The following MAP3K20 variants were observed in gnomAD, a reference collection of about 807,000 sequenced individuals.
MAP3K20 encodes mitogen-activated protein kinase kinase kinase 20, also known as HCCS-4.
Under a neutral mutation model 85.7 loss-of-function variants are expected in MAP3K20, and 40 were observed. The observed-to-expected ratio is 0.47, with a 90% confidence interval of 0.36 to 0.61. The LOEUF is 0.61. MAP3K20 is among the 20% of genes least tolerant of loss of function. The probability of loss-of-function intolerance (pLI) is 0.00; values close to 1 mark genes in which losing one functional copy is unlikely to be tolerated. For synonymous variants in MAP3K20, 325 were observed against 327.7 expected, an observed-to-expected ratio of 0.99 and a Z score of 0.09; for missense variants, 817 against 961.7, an observed-to-expected ratio of 0.85 and a Z score of 1.99.
rs780696051 is a variant in MAP3K20 at position 173,263,850 on chromosome 2, T to TTGGG, written c.1658_1659insGGGT (p.Phe554GlyfsTer18). The TTGGG allele has an allele frequency of 1.9e-6, 3 of 1,613,162 alleles. No individual in the cohort carries two copies. In the African/African-American group the frequency reaches 4.0e-5, roughly 22 times the overall value. ...AGCAGTCCAACTTGCCATTCAGACA[T>TTGGG]TATTCACCAATTCAGATGGCAACCC... On this transcript the variant is annotated frameshift_variant, in exon 19 of 20. Coordinates refer to ENST00000375213, the MANE Select transcript of MAP3K20 (RefSeq NM_016653.3). LOFTEE classifies it low-confidence loss of function (END_TRUNC).
At chr2:173,158,296 A>C (rs1157032186) in intron 2 of MAP3K20, among the ~76,000 whole-genome samples, 1 of 152,196 alleles carries the variant, frequency 6.6e-6, no homozygotes, top group Non-Finnish European at 1.5e-5. Flanking sequence ...TTAATAAAAA[A>C]TGTTTAGAAG....
chr2:173,108,134 TTTTTTTTTTTA>T (rs1291893909), intron 2 of MAP3K20, among the ~76,000 whole-genome samples: 1 of 120,624 alleles, frequency 8.3e-6, no homozygotes, highest in African/African-American at 3.2e-5. Context: ...GGGATTTTTA[TTTTTTTTTTTA>T]TTTTTTTTTG....
chr2:173,196,913 T>A (rs1690861456), intron 7 of MAP3K20, among the ~76,000 whole-genome samples: 1 of 151,930 alleles, frequency 6.6e-6, no homozygotes, highest in Non-Finnish European at 1.5e-5. Flanking sequence ...AGCAGGTTCA[T>A]AGTCTGGCTC....
chr2:173,181,203 A>G (rs1203088699), intron 3 of MAP3K20, among the ~76,000 whole-genome samples: 17 of 152,182 alleles, frequency 1.1e-4, no homozygotes, highest in Admixed American at 1.1e-3. Flanking sequence ...TATACCCGCT[A>G]CAATGGCCAT....
At chr2:173,209,537 G>A (rs1046607849) in intron 9 of MAP3K20, 192 bp from the exon 10 acceptor site, 12 of 454,118 alleles carry the variant, frequency 2.6e-5, no homozygotes, top group African/African-American at 7.9e-5. Context: ...ATAGTTCACC[G>A]AAAATAAAGA....
chr2:173,134,522 C>G (rs1688743954), intron 2 of MAP3K20, among the ~76,000 whole-genome samples: 1 of 142,988 alleles, frequency 7.0e-6, no homozygotes, highest in South Asian at 2.2e-4. Flanking sequence ...CCGTTTTGTC[C>G]TCCTCCCAAA....
intron 2 of MAP3K20, among the ~76,000 whole-genome samples, chr2:173,135,695 T>C (rs956203267): frequency 6.6e-5 from 10 of 152,212 alleles, no homozygotes; most frequent in South Asian, 2.1e-4. Context: ...TCTGCACTTA[T>C]AAAATGGGGA....
Position 173,258,796 on chromosome 2 carries a change from A to C in MAP3K20, c.1457A>C (p.Glu486Ala). Residue 486 changes from glutamate (E) to alanine (A), a missense_variant, in exon 17 of 20, where the codon GAG becomes GCG. This residue lies in a region of MAP3K20 where 454 missense variants were observed against 476.9 expected (regional missense o/e 0.95). Coordinates refer to ENST00000375213, the MANE Select transcript of MAP3K20 (RefSeq NM_016653.3). ...VTFNTNLPDA[E>A]ILKMTKPPFV... ...TTCAACACTAACCTACCTGATGCGG[A>C]GATTTTAAAGATGACAAAGGTAGGG... The C allele has an allele frequency of 7.5e-6, 12 of 1,606,460 alleles. No individual in the cohort carries two copies. The highest frequency in any genetic ancestry group is 9.4e-6 in the Non-Finnish European group (11 of 1,173,794).
chr2:173,171,191 C>G (rs1035573306), intron 3 of MAP3K20, among the ~76,000 whole-genome samples: 8 of 152,290 alleles, frequency 5.3e-5, no homozygotes, highest in African/African-American at 1.9e-4. Context: ...CATTTTAAGT[C>G]AGATTTCTGA....
At chr2:173,252,909 C>A (rs1685072044) in intron 16 of MAP3K20, among the ~76,000 whole-genome samples, 3 of 152,218 alleles carry the variant, frequency 2.0e-5, no homozygotes, top group African/African-American at 7.2e-5. Context: ...CAGGGAAGGT[C>A]AGAATTGGTG....
At position 173,261,188 on chromosome 2, in the gene MAP3K20, T is replaced by C. The variant is rs1263052533; in HGVS notation, c.1551+51T>C. 5 of 1,566,552 alleles carry C rather than the reference T, an allele frequency of 3.2e-6. No homozygotes were observed. The Admixed American group carries it at 5.1e-5, about 16-fold the overall frequency. On this transcript the variant is annotated intron_variant, in intron 18 of 19. Coordinates refer to ENST00000375213, the MANE Select transcript of MAP3K20 (RefSeq NM_016653.3). ...TGGCCTCACCATCAGTTAATGAATATAAATTTATCTGTTATCTCAGAGCAT... is the reference window on the plus strand; with the variant it reads ...TGGCCTCACCATCAGTTAATGAATACAAATTTATCTGTTATCTCAGAGCAT...
In MAP3K20 at chr2:173,174,810, A is replaced by G. The variant is rs374143767; in HGVS notation, c.247+4918A>G. 4.3e-4 allele frequency among the ~76,000 whole-genome samples: 65 copies of G among 152,316 alleles called. 1 individual carries two copies. Among genetic ancestry groups the G allele is most frequent in the African/African-American group, 1.1e-3 (44 of 41,580 alleles). On this transcript the variant is annotated intron_variant, in intron 3 of 19. Coordinates refer to ENST00000375213, the MANE Select transcript of MAP3K20 (RefSeq NM_016653.3). ...AAGTTAACATGGTTTTCGGAGTACA[A>G]TGTCTTCACTGTAGTGTAAGATGTT...
At chr2:173,153,351 A>T (rs1479090788) in intron 2 of MAP3K20, among the ~76,000 whole-genome samples, 2 of 152,194 alleles carry the variant, frequency 1.3e-5, no homozygotes, top group South Asian at 4.1e-4. Context: ...AAAACTTTCT[A>T]TCAAGTTATT....
chr2:173,220,370 C>T lies in MAP3K20; in HGVS notation c.987+3120C>T, dbSNP rs570359230. On this transcript the variant is annotated intron_variant, in intron 11 of 19. Transcript: ENST00000375213. ...AGTGGTGACATCTTAGAAAAAAGTT[C>T]GGTTGAAAGAAGAAAACTTGAATAT... 3.9e-5 allele frequency among the ~76,000 whole-genome samples: 6 copies of T among 152,100 alleles called. No homozygotes were observed. In the East Asian group the frequency reaches 7.7e-4, roughly 20 times the overall value.
chr2:173,221,024 C>A, intron 11 of MAP3K20: 2 of 711,174 alleles, frequency 2.8e-6, no homozygotes, highest in Non-Finnish European at 4.0e-6. Context: ...TAATTCCCTA[C>A]ATTCATTTAT....
At chr2:173,112,706 G>A (rs1008834679) in intron 2 of MAP3K20, among the ~76,000 whole-genome samples, 1 of 151,998 alleles carries the variant, frequency 6.6e-6, no homozygotes, top group Non-Finnish European at 1.5e-5. Flanking sequence ...TGTTTATGTG[G>A]TGTATCACAT....
At chr2:173,106,362 G>T (rs914541942) in intron 2 of MAP3K20, among the ~76,000 whole-genome samples, 1 of 151,980 alleles carries the variant, frequency 6.6e-6, no homozygotes, top group South Asian at 2.1e-4. Context: ...GAACCGAACA[G>T]AGAGTCCAGA....
intron 2 of MAP3K20, among the ~76,000 whole-genome samples, chr2:173,145,632 T>C (rs1351032436): frequency 6.6e-6 from 1 of 152,198 alleles, no homozygotes; most frequent in African/African-American, 2.4e-5. Context: ...TTGGTGAGAA[T>C]GTGAGTCAGC....
At chr2:173,151,802 AT>A (rs1258974971) in intron 2 of MAP3K20, among the ~76,000 whole-genome samples, 1 of 152,178 alleles carries the variant, frequency 6.6e-6, no homozygotes, top group Non-Finnish European at 1.5e-5. Flanking sequence ...GAATAACAGT[AT>A]TTCTGCTATG....
Sources: gnomAD v4.1 joint callset for allele counts (sites outside exome capture counted in the v4.1 genomes callset) on GRCh38, gnomAD v4.1.1 for gene constraint, gnomAD v4.1.1 regional missense constraint, MANE v1.5 for transcripts, NCBI Gene and HGNC (gene_info 2026-07-23, HGNC 2026-07-21) for gene names.